Variants in ANO3 observed in about 807,000 individuals in gnomAD.
ANO3 encodes the protein anoctamin 3.
In ANO3, 99 loss-of-function variants were observed where a neutral mutation model predicts 144.8. The observed-to-expected ratio is 0.68, with a 90% CI of 0.58 to 0.81. The LOEUF (loss-of-function observed/expected upper bound fraction) is 0.81. Among genes scored for constraint, ANO3 ranks in the 30% least tolerant of loss-of-function variants. The pLI is 0.00. For synonymous variants in ANO3, 414 were observed against 392.6 expected, an observed-to-expected ratio of 1.05 and a Z score of -0.64; for missense variants, 905 against 1,202.2, an observed-to-expected ratio of 0.75 and a Z score of 3.66.
intron 1 of ANO3, among the ~76,000 whole-genome samples, chr11:26,385,374 A>C (rs1232494833): frequency 6.6e-6 from 1 of 152,194 alleles, no homozygotes; most frequent in African/African-American, 2.4e-5. Flanking sequence ...AAATGATATA[A>C]ATTATCTTAC....
chr11:26,564,714 C>T (rs1850455606), intron 14 of ANO3, among the ~76,000 whole-genome samples: 1 of 72,974 alleles, frequency 1.4e-5, no homozygotes. Context: ...CACACACACA[C>T]ACACACACAC....
intron 1 of ANO3, among the ~76,000 whole-genome samples, chr11:26,339,469 G>T (rs1467012288): frequency 1.3e-5 from 2 of 152,140 alleles, no homozygotes; most frequent in Non-Finnish European, 1.5e-5. Context: ...GTCCACATTT[G>T]TAAACATTGT....
chr11:26,644,239 A>G (rs1006552015), intron 23 of ANO3, among the ~76,000 whole-genome samples: 1 of 152,190 alleles, frequency 6.6e-6, no homozygotes, highest in African/African-American at 2.4e-5. Flanking sequence ...TATTTCATAA[A>G]CTTGGTCATA....
chr11:26,365,985 TA>T (rs58061238), intron 1 of ANO3, among the ~76,000 whole-genome samples: 38 of 1,544 alleles, frequency 0.025, no homozygotes, highest in African/African-American at 0.036. Context: ...TATATATATA[TA>T]TATATATATA....
rs1036855401 is a variant in ANO3 at position 26,596,995 on chromosome 11, C to G, written c.1448-1370C>G. On this transcript the variant is annotated intron_variant, in intron 14 of 26. Transcript: ENST00000256737. The stretch of plus-strand genomic sequence containing the variant: ...TAGAAAGCTTTTTCCCAGGAAACCT[C>G]ACACCTGAGTCCAGCAGCCACGCTA... Among the ~76,000 whole-genome samples the G allele has an allele frequency of 2.0e-5, 3 of 152,200 alleles. 1 individual carries two copies. Among genetic ancestry groups the G allele is most frequent in the African/African-American group, 4.8e-5 (2 of 41,450 alleles).
intron 5 of ANO3, among the ~76,000 whole-genome samples, chr11:26,512,164 C>A (rs1861688890): frequency 6.6e-6 from 1 of 152,188 alleles, no homozygotes; most frequent in Non-Finnish European, 1.5e-5. Context: ...ATTTGTGTTT[C>A]TCTTAGACTT....
intron 1 of ANO3, among the ~76,000 whole-genome samples, chr11:26,200,362 T>C (rs1851669439): frequency 6.6e-6 from 1 of 152,214 alleles, no homozygotes; most frequent in African/African-American, 2.4e-5. Flanking sequence ...TTCTCTCAAA[T>C]ATTGTCTCAT....
intron 1 of ANO3, among the ~76,000 whole-genome samples, chr11:26,219,779 C>T (rs533029034): frequency 6.6e-6 from 1 of 152,200 alleles, no homozygotes; most frequent in Non-Finnish European, 1.5e-5. Context: ...AAAGGATAAA[C>T]AGAAGCCTAG....
intron 14 of ANO3, among the ~76,000 whole-genome samples, chr11:26,578,677 T>C (rs887916712): frequency 8.5e-5 from 13 of 152,278 alleles, no homozygotes; most frequent in African/African-American, 2.9e-4. Flanking sequence ...ATTATATTAG[T>C]CTCGATAGAC....
intron 14 of ANO3, chr11:26,563,040 G>A: frequency 6.5e-7 from 1 of 1,549,086 alleles, no homozygotes; most frequent in Non-Finnish European, 8.7e-7. Flanking sequence ...TACCTTCTAG[G>A]CAATGCAGTG....
At chr11:26,230,662 C>T (rs1337333307) in intron 1 of ANO3, among the ~76,000 whole-genome samples, 1 of 151,060 alleles carries the variant, frequency 6.6e-6, no homozygotes. Flanking sequence ...CCAAGCATGG[C>T]GGCTCACACC....
chr11:26,593,910 C>T (rs1851529478), intron 14 of ANO3, among the ~76,000 whole-genome samples: 2 of 152,122 alleles, frequency 1.3e-5, no homozygotes, highest in East Asian at 3.9e-4. Flanking sequence ...TTATAAAAAA[C>T]CAAGGTTACC....
intron 19 of ANO3, among the ~76,000 whole-genome samples, chr11:26,634,786 TGTC>T (rs1190881657): frequency 6.6e-6 from 1 of 152,212 alleles, no homozygotes; most frequent in Non-Finnish European, 1.5e-5. Flanking sequence ...GGGTCGGAAA[TGTC>T]ATCCAGTTGG....
chr11:26,467,636 C>A (rs916471987), intron 4 of ANO3, among the ~76,000 whole-genome samples: 1 of 150,938 alleles, frequency 6.6e-6, no homozygotes, highest in Non-Finnish European at 1.5e-5. Flanking sequence ...CTGAATAGTA[C>A]TCCATTGTGT....
intron 1 of ANO3, among the ~76,000 whole-genome samples, chr11:26,316,569 C>G (rs148865051): frequency 6.6e-6 from 1 of 152,248 alleles, no homozygotes. Flanking sequence ...TCAATAGAAG[C>G]AGGAAGTGAA....
At chr11:26,504,799 A>G (rs1314445241) in intron 4 of ANO3, among the ~76,000 whole-genome samples, 4 of 20,758 alleles carry the variant, frequency 1.9e-4, no homozygotes, top group Admixed American at 1.1e-3. Context: ...CAAGGCGGGC[A>G]GATCACAAAG....
chr11:26,609,490 G>A (rs954958726), intron 17 of ANO3, among the ~76,000 whole-genome samples: 2 of 151,216 alleles, frequency 1.3e-5, no homozygotes, highest in Non-Finnish European at 3.0e-5. Flanking sequence ...TCACATGCAG[G>A]ATTCACATAT....
At chr11:26,262,739 C>CACACACAGAG (rs1177111571) in intron 1 of ANO3, among the ~76,000 whole-genome samples, 26 of 148,784 alleles carry the variant, frequency 1.7e-4, no homozygotes, top group African/African-American at 6.1e-4. Flanking sequence ...CACACACACA[C>CACACACAGAG]AGAGAGAGAG....
intron 1 of ANO3, among the ~76,000 whole-genome samples, chr11:26,416,362 A>C (rs1857585947): frequency 6.6e-6 from 1 of 152,114 alleles, no homozygotes. Context: ...AAAGATATGC[A>C]GAGAAGACAC....
Sources: allele counts gnomAD v4.1 joint callset (sites outside exome capture counted in the v4.1 genomes callset), GRCh38; gene constraint gnomAD v4.1.1; transcripts MANE v1.5; gene names NCBI Gene and HGNC (gene_info 2026-07-23, HGNC 2026-07-21).